UNC13C: variants seen among roughly 807,000 people sequenced by gnomAD.
UNC13C encodes unc-13 homolog C.
UNC13C carries 174 observed loss-of-function variants against 245.4 expected under a neutral mutation model. The observed-to-expected ratio is 0.71, with a 90% CI of 0.63 to 0.80. The LOEUF (loss-of-function observed/expected upper bound fraction) is 0.80. Ranked by LOEUF, UNC13C falls within the 30% of genes least tolerant of loss-of-function variation. The probability of loss-of-function intolerance (pLI) is 0.00; values close to 1 mark genes in which losing one functional copy is unlikely to be tolerated. For synonymous variants in UNC13C, 992 were observed against 895.1 expected (o/e 1.11, Z -1.93); for missense variants, 2,829 against 2,602.9 (o/e 1.09, Z -1.89).
In UNC13C at chr15:54,264,153, A is replaced by C. The variant is rs770484699; in HGVS notation, c.3449-15A>C. ...GGCATTTCCATTCACATCACCATTG[A>C]TGTTTCCATCATAGGAGCAGCAGAA... is the stretch of plus-strand genomic sequence containing the variant. On this transcript the variant is annotated splice_polypyrimidine_tract_variant and intron_variant, in intron 8 of 32. Coordinates refer to ENST00000260323, the MANE Select transcript of UNC13C (RefSeq NM_001080534.3). The C allele has an allele frequency of 1.5e-5, 24 of 1,560,704 alleles. No homozygotes were observed. The highest frequency in any genetic ancestry group is 1.9e-5 in the Non-Finnish European group (22 of 1,151,396).
chr15:54,006,945 C>G (rs1295214526), intron 1 of UNC13C, among the ~76,000 whole-genome samples: 1 of 152,176 alleles, frequency 6.6e-6, no homozygotes, highest in East Asian at 1.9e-4. Flanking sequence ...CTTTTCTGCA[C>G]TTTGTGAGGG....
At chr15:54,202,508 A>C (rs1454810103) in intron 4 of UNC13C, among the ~76,000 whole-genome samples, 1 of 152,090 alleles carries the variant, frequency 6.6e-6, no homozygotes, top group Non-Finnish European at 1.5e-5. Flanking sequence ...CCCAGAAATA[A>C]ACCCAAATAC....
At position 54,533,398 on chromosome 15, in the gene UNC13C, A is replaced by G. The variant is rs570988050; in HGVS notation, c.5696+332A>G. ...CATATTGTTTTCAATCCTCCTGGAC[A>G]TAGAGAAAGACTGAGCTGAGTCCAG... On this transcript the variant is annotated intron_variant, in intron 26 of 32. Coordinates refer to ENST00000260323, the MANE Select transcript of UNC13C (RefSeq NM_001080534.3). Among the ~76,000 whole-genome samples the G allele has an allele frequency of 2.6e-5, 4 of 152,210 alleles. No homozygotes were observed. The South Asian group carries it at 8.3e-4, about 32-fold the overall frequency.
chr15:53,984,620 G>A (rs1485958463), intron 1 of UNC13C, among the ~76,000 whole-genome samples: 1 of 152,100 alleles, frequency 6.6e-6, no homozygotes, highest in Admixed American at 6.6e-5. Flanking sequence ...GAAGTTCTCA[G>A]TGAGCACTGG....
intron 4 of UNC13C, among the ~76,000 whole-genome samples, chr15:54,198,208 CCCTACCTCCA>C (rs763494428): frequency 3.1e-4 from 47 of 152,116 alleles, no homozygotes; most frequent in Non-Finnish European, 6.2e-4. Flanking sequence ...ACATGCCTAT[CCCTACCTCCA>C]CCTGGTAGTC....
Position 54,305,770 on chromosome 15 carries a change from A to G in UNC13C, c.4268+5397A>G, listed in dbSNP as rs564691812. ...AAAGAAGAAATGCTGTCTTTTCTCT[A>G]TAATAAGGATACTTAACCATTTTCG... On this transcript the variant is annotated intron_variant, in intron 13 of 32. Transcript: ENST00000260323. 1.1e-4 allele frequency among the ~76,000 whole-genome samples: 17 copies of G among 152,190 alleles called. No homozygotes were observed. In the East Asian group the frequency reaches 2.9e-3, roughly 26 times the overall value.
At chr15:54,319,515 C>T (rs947267060) in intron 13 of UNC13C, among the ~76,000 whole-genome samples, 11 of 151,800 alleles carry the variant, frequency 7.2e-5, no homozygotes, top group African/African-American at 2.7e-4. Flanking sequence ...TCATGGAACT[C>T]ACATAGCATA....
intron 17 of UNC13C, among the ~76,000 whole-genome samples, chr15:54,365,458 G>A (rs992689689): frequency 6.6e-6 from 1 of 151,814 alleles, no homozygotes; most frequent in Non-Finnish European, 1.5e-5. Flanking sequence ...ATAAATTTGG[G>A]GATAAATATA....
At chr15:54,254,781 G>C (rs891606351) in intron 8 of UNC13C, among the ~76,000 whole-genome samples, 1 of 152,158 alleles carries the variant, frequency 6.6e-6, no homozygotes, top group Non-Finnish European at 1.5e-5. Flanking sequence ...ATCCTAGGGG[G>C]AAGAAAAGGA....
At chr15:53,880,696 C>CTTTT in the UNC13C span, among the ~76,000 whole-genome samples, 2 of 141,398 alleles carry the variant, frequency 1.4e-5, no homozygotes. Flanking sequence ...GCTTTGTCAT[C>CTTTT]TTTTTTTTTT....
At chr15:53,942,928 G>C in the UNC13C span, among the ~76,000 whole-genome samples, 1 of 152,210 alleles carries the variant, frequency 6.6e-6, no homozygotes, top group South Asian at 2.1e-4. Flanking sequence ...CTCCCAAAGT[G>C]CTGGGATTGC....
chr15:54,618,347 A>G (rs1333327302), intron 30 of UNC13C, among the ~76,000 whole-genome samples: 2 of 152,302 alleles, frequency 1.3e-5, no homozygotes, highest in East Asian at 3.9e-4. Context: ...GGCATGTTGT[A>G]GACACACAGA....
At chr15:54,215,295 C>G (rs2035006859) in intron 4 of UNC13C, among the ~76,000 whole-genome samples, 1 of 151,762 alleles carries the variant, frequency 6.6e-6, no homozygotes, top group South Asian at 2.1e-4. Context: ...CTCATTATAC[C>G]AAAAACCTAG....
chr15:54,365,988 A>G (rs951165293), intron 17 of UNC13C, among the ~76,000 whole-genome samples: 1 of 152,186 alleles, frequency 6.6e-6, no homozygotes, highest in African/African-American at 2.4e-5. Flanking sequence ...CCTTTGCAGC[A>G]CATTCGGAAA....
At chr15:53,938,874 C>T in the UNC13C span, among the ~76,000 whole-genome samples, 1 of 152,070 alleles carries the variant, frequency 6.6e-6, no homozygotes, top group African/African-American at 2.4e-5. Flanking sequence ...AAATTTATAG[C>T]ACTAAATGCC....
chr15:54,525,169 T>A (rs1209975093), intron 24 of UNC13C, among the ~76,000 whole-genome samples: 1 of 152,152 alleles, frequency 6.6e-6, no homozygotes, highest in Non-Finnish European at 1.5e-5. Flanking sequence ...TATTAAAGAT[T>A]TAAATAAATT....
intron 1 of UNC13C, among the ~76,000 whole-genome samples, chr15:53,998,974 C>CT (rs1338425448): frequency 6.6e-6 from 1 of 151,882 alleles, no homozygotes; most frequent in East Asian, 1.9e-4. Context: ...ATCTATTAAT[C>CT]TTTTTACACA....
In UNC13C at chr15:54,526,137, CTG is replaced by C. The variant is rs1295208030; in HGVS notation, c.5546+501_5546+502del. Among the ~76,000 whole-genome samples the C allele has an allele frequency of 8.5e-5, 13 of 152,254 alleles. 1 individual carries two copies. The South Asian group carries it at 2.7e-3, about 32-fold the overall frequency. The stretch of plus-strand genomic sequence containing the variant: ...ATTCTTGGTTTTAGGGCCTAGCAAT[CTG>C]AATACAACTACCCCATGGGAAGGAG... On this transcript the variant is annotated intron_variant, in intron 25 of 32. Transcript: ENST00000260323.
At chr15:54,194,892 A>G (rs917130428) in intron 4 of UNC13C, among the ~76,000 whole-genome samples, 2 of 152,198 alleles carry the variant, frequency 1.3e-5, no homozygotes, top group African/African-American at 4.8e-5. Flanking sequence ...TGAGAAAAAA[A>G]TAAGACAAAA....
Sources: gnomAD v4.1 joint callset for allele counts (sites outside exome capture counted in the v4.1 genomes callset) on GRCh38, gnomAD v4.1.1 for gene constraint, MANE v1.5 for transcripts, NCBI Gene and HGNC (gene_info 2026-07-23, HGNC 2026-07-21) for gene names.